The following RYK variants were observed in gnomAD, a reference collection of about 807,000 sequenced individuals.
The protein encoded by RYK is receptor like tyrosine kinase.
In RYK, 21 loss-of-function variants were observed where a neutral mutation model predicts 70.2. The observed-to-expected ratio is 0.30, with a 90% CI of 0.21 to 0.43. RYK has a LOEUF of 0.43. Ranked by LOEUF, RYK falls within the 20% of genes least tolerant of loss-of-function variation. The pLI, the probability that RYK is intolerant of heterozygous loss-of-function variation, is 1.00. For synonymous variants in RYK, 267 were observed against 278.0 expected (o/e 0.96, Z 0.39); for missense variants, 604 against 753.3 (o/e 0.80, Z 2.32).
intron 1 of RYK, among the ~76,000 whole-genome samples, chr3:134,228,074 G>C (rs1322182111): frequency 6.6e-6 from 1 of 152,164 alleles, no homozygotes; most frequent in Non-Finnish European, 1.5e-5. Context: ...GGATCACTTA[G>C]GCCCAGAAGT....
intron 1 of RYK, among the ~76,000 whole-genome samples, chr3:134,245,953 G>A (rs1477723045): frequency 6.6e-6 from 1 of 151,970 alleles, no homozygotes; most frequent in Non-Finnish European, 1.5e-5. Context: ...GACAGTCAAG[G>A]ATCACCAGAT....
chr3:134,239,795 G>A (rs998500276), intron 1 of RYK, among the ~76,000 whole-genome samples: 4 of 152,212 alleles, frequency 2.6e-5, no homozygotes. Flanking sequence ...AACCAAAAAA[G>A]TATCAGATGC....
At chr3:134,232,252 T>C (rs563435037) in intron 1 of RYK, among the ~76,000 whole-genome samples, 1 of 152,302 alleles carries the variant, frequency 6.6e-6, no homozygotes, top group East Asian at 1.9e-4. Context: ...ATTACTTTCT[T>C]ACCAGTGGAG....
chr3:134,162,548 A>G (rs2012514444), intron 13 of RYK, among the ~76,000 whole-genome samples: 1 of 152,024 alleles, frequency 6.6e-6, no homozygotes, highest in Non-Finnish European at 1.5e-5. Flanking sequence ...TTTCCCTTAC[A>G]CCTACTGGGA....
At chr3:134,248,922 T>C (rs1055204845) in intron 1 of RYK, among the ~76,000 whole-genome samples, 1 of 152,110 alleles carries the variant, frequency 6.6e-6, no homozygotes, top group African/African-American at 2.4e-5. Flanking sequence ...ATTATGTGTA[T>C]AAAGCATGTA....
chr3:134,173,295 T>C (rs1346735651), intron 13 of RYK, among the ~76,000 whole-genome samples: 2 of 150,372 alleles, frequency 1.3e-5, no homozygotes, highest in African/African-American at 4.9e-5. Context: ...AAAAAAAAAT[T>C]TAAAAATTAT....
chr3:134,201,936 CA>C (rs2014040371), intron 6 of RYK, among the ~76,000 whole-genome samples: 1 of 152,134 alleles, frequency 6.6e-6, no homozygotes, highest in Non-Finnish European at 1.5e-5. Flanking sequence ...CTGTACCTCT[CA>C]CCCTAACTTG....
At chr3:134,223,377 CTTAT>C (rs1560023058) in intron 1 of RYK, among the ~76,000 whole-genome samples, 2 of 152,028 alleles carry the variant, frequency 1.3e-5, no homozygotes, top group Admixed American at 6.5e-5. Context: ...TTCTTTAAAA[CTTAT>C]TTAATTTGTT....
intron 13 of RYK, among the ~76,000 whole-genome samples, chr3:134,166,792 A>C (rs1185260568): frequency 6.6e-6 from 1 of 152,228 alleles, no homozygotes; most frequent in Non-Finnish European, 1.5e-5. Flanking sequence ...CACCCAGGCC[A>C]ACTACTTGAT....
At chr3:134,214,424 A>T (rs2014492491) in intron 2 of RYK, among the ~76,000 whole-genome samples, 1 of 152,170 alleles carries the variant, frequency 6.6e-6, no homozygotes, top group African/African-American at 2.4e-5. Flanking sequence ...AGCCAGTTAA[A>T]GCCACTTCCC....
At chr3:134,211,427 A>G in intron 3 of RYK, 81 bp downstream of exon 3, 1 of 861,180 alleles carries the variant, frequency 1.2e-6, no homozygotes. Context: ...CACACTACAC[A>G]TCAGTAAACT....
intron 1 of RYK, among the ~76,000 whole-genome samples, chr3:134,235,640 G>A (rs1306976272): frequency 1.3e-5 from 2 of 152,070 alleles, no homozygotes; most frequent in South Asian, 2.1e-4. Flanking sequence ...AGATAACCTA[G>A]TTGTTTCTAA....
chr3:134,160,797 G>A (rs2012440682), intron 13 of RYK, among the ~76,000 whole-genome samples: 2 of 152,194 alleles, frequency 1.3e-5, no homozygotes, highest in Admixed American at 1.3e-4. Context: ...GGAGGTTGCG[G>A]TGAGCCGAGA....
intron 1 of RYK, among the ~76,000 whole-genome samples, chr3:134,244,702 CCTA>C (rs2015410219): frequency 1.3e-5 from 2 of 152,088 alleles, no homozygotes; most frequent in Admixed American, 6.6e-5. Flanking sequence ...GACCGTGTGC[CCTA>C]CTACTACCAA....
intron 6 of RYK, among the ~76,000 whole-genome samples, chr3:134,199,773 T>G (rs1400831020): frequency 6.6e-6 from 1 of 152,054 alleles, no homozygotes; most frequent in Non-Finnish European, 1.5e-5. Context: ...TCACTACTAG[T>G]GAGAGGTGAA....
intron 8 of RYK, among the ~76,000 whole-genome samples, chr3:134,189,464 A>T (rs2013574557): frequency 6.6e-6 from 1 of 151,572 alleles, no homozygotes; most frequent in Non-Finnish European, 1.5e-5. Context: ...GTTCCTAAAA[A>T]CTCTTAGAGT....
chr3:134,183,180 T>C (rs569659038), intron 9 of RYK, 109 bp from the exon 10 acceptor site: 75 of 518,716 alleles, frequency 1.4e-4, no homozygotes, highest in African/African-American at 1.4e-3. Flanking sequence ...ACATAGGTTT[T>C]CATTATAAGT....
intron 9 of RYK, among the ~76,000 whole-genome samples, chr3:134,187,512 T>C (rs2013502468): frequency 6.6e-6 from 1 of 152,176 alleles, no homozygotes; most frequent in African/African-American, 2.4e-5. Flanking sequence ...CACATTTTTC[T>C]TTCTCTCTAG....
chr3:134,166,539 G>C (rs1490453024), intron 13 of RYK, among the ~76,000 whole-genome samples: 1 of 152,170 alleles, frequency 6.6e-6, no homozygotes, highest in African/African-American at 2.4e-5. Flanking sequence ...TCTGCCCCAC[G>C]ATCTGTGATT....
Sources: gnomAD v4.1 joint callset for allele counts (sites outside exome capture counted in the v4.1 genomes callset) on GRCh38, gnomAD v4.1.1 for gene constraint, MANE v1.5 for transcripts, NCBI Gene and HGNC (gene_info 2026-07-23, HGNC 2026-07-21) for gene names.